The following GRHL3 variants were observed in gnomAD, a reference collection of about 807,000 sequenced individuals.
GRHL3 encodes grainyhead-like protein 3 homolog.
Under a neutral mutation model 70.3 loss-of-function variants are expected in GRHL3, and 20 were observed. That is an observed-to-expected ratio of 0.28 (90% confidence interval 0.20 to 0.41). GRHL3 has a LOEUF of 0.41. Ranked by LOEUF, GRHL3 falls within the 10% of genes least tolerant of loss-of-function variation. The pLI, the probability that GRHL3 is intolerant of heterozygous loss-of-function variation, is 1.00. For synonymous variants in GRHL3, 299 were observed against 299.9 expected (o/e 1.00, Z 0.03); for missense variants, 637 against 762.3 (o/e 0.84, Z 1.94).
At chr1:24,337,264 G>T in intron 5 of GRHL3, 113 bp downstream of exon 5, 1 of 717,738 alleles carries the variant, frequency 1.4e-6, no homozygotes, top group South Asian at 1.8e-5. Context: ...TGAGAAGTGG[G>T]GGATGAAGGC....
intron 5 of GRHL3, 59 bp downstream of exon 5, chr1:24,337,210 G>GTGTGGGGCTCTGTC: frequency 8.0e-7 from 1 of 1,248,318 alleles, no homozygotes; most frequent in Non-Finnish European, 1.2e-6. Flanking sequence ...GCTGCAGACA[G>GTGTGGGGCTCTGTC]AGCCCCACAC....
chr1:24,331,737 G>C (rs572965236), intron 2 of GRHL3, 125 bp downstream of exon 2: 3 of 700,134 alleles, frequency 4.3e-6, no homozygotes, highest in South Asian at 2.7e-5. Context: ...GCACAATGCT[G>C]TTCCCTCTGC....
At chr1:24,323,031 A>G (rs1166087998) in intron 1 of GRHL3, 1 of 1,533,788 alleles carries the variant, frequency 6.5e-7, no homozygotes, top group African/African-American at 1.4e-5. Context: ...GCCTCTGAAA[A>G]GAAGACAGAG....
downstream of GRHL3, among the ~76,000 whole-genome samples, chr1:24,358,873 T>G (rs1450286880): frequency 1.3e-5 from 2 of 152,182 alleles, no homozygotes; most frequent in African/African-American, 4.8e-5. Flanking sequence ...TTTACAAAAC[T>G]ATTTTCTATG....
intron 8 of GRHL3, among the ~76,000 whole-genome samples, chr1:24,340,115 G>T (rs531978609): frequency 6.6e-6 from 1 of 152,334 alleles, no homozygotes; most frequent in South Asian, 2.1e-4. Flanking sequence ...TGGCCCAAAA[G>T]TGGCAACTGT....
At chr1:24,353,181 A>G (rs1015711554) in intron 15 of GRHL3, among the ~76,000 whole-genome samples, 3 of 152,162 alleles carry the variant, frequency 2.0e-5, no homozygotes, top group Admixed American at 2.0e-4. Context: ...TGTTTCTTTG[A>G]ACCTCAGCTT....
At chr1:24,320,508 C>T (rs1639139472) in intron 1 of GRHL3, among the ~76,000 whole-genome samples, 1 of 152,162 alleles carries the variant, frequency 6.6e-6, no homozygotes, top group South Asian at 2.1e-4. Context: ...CAGGAGAAGC[C>T]AGAATCCTTT....
At chr1:24,329,553 C>T (rs1639525241) in intron 1 of GRHL3, among the ~76,000 whole-genome samples, 1 of 152,348 alleles carries the variant, frequency 6.6e-6, no homozygotes, top group East Asian at 1.9e-4. Flanking sequence ...TCTCACGGAC[C>T]AGCTGGATGA....
At chr1:24,350,829 C>T (rs1640476946) in intron 15 of GRHL3, among the ~76,000 whole-genome samples, 1 of 152,238 alleles carries the variant, frequency 6.6e-6, no homozygotes, top group South Asian at 2.1e-4. Context: ...CAGTGCCTGG[C>T]TGCCTACCAT....
At chr1:24,323,161 T>A (rs377274241) in intron 1 of GRHL3, 5 of 1,250,330 alleles carry the variant, frequency 4.0e-6, no homozygotes, top group Non-Finnish European at 4.6e-6. Context: ...TACAAACCTA[T>A]GTTACCTTTG....
intron 1 of GRHL3, among the ~76,000 whole-genome samples, chr1:24,325,652 A>G (rs1639361644): frequency 6.6e-6 from 1 of 152,212 alleles, no homozygotes; most frequent in Non-Finnish European, 1.5e-5. Context: ...GGAGCCATGA[A>G]GGCTGAGGCT....
chr1:24,359,734 C>T (rs1281830824), downstream of GRHL3, among the ~76,000 whole-genome samples: 1 of 152,200 alleles, frequency 6.6e-6, no homozygotes, highest in African/African-American at 2.4e-5. The surrounding 1 kb of genome is among the most constrained non-coding windows in gnomAD (Gnocchi z 5.3). Context: ...TGCCTTCATC[C>T]TCCCATGCCA....
rs2148660029 is a variant in GRHL3, at chr1:24,342,344, CT to C, written c.1206+72del. ...AGGGCCAAACCCTGACCCGTGCGTC[CT>C]CCTAGCTTCTCTGGGTTGTCTGTCT... On this transcript the variant is annotated intron_variant, in intron 9 of 15. Transcript: ENST00000361548. The surrounding 1 kb of genome is among the most constrained non-coding windows in gnomAD (Gnocchi z 4.8). The C allele has an allele frequency of 4.6e-6, 6 of 1,309,904 alleles. No individual in the cohort carries two copies. Among genetic ancestry groups the C allele is most frequent in the Non-Finnish European group, 5.3e-6 (5 of 944,832 alleles). The allele number at this position is 1,309,904 out of a possible 1,614,324, so 81.1% of individuals were successfully genotyped here.
chr1:24,360,652 T>C lies in GRHL3; in HGVS notation c.1695-3533T>C, dbSNP rs144891605. The stretch of plus-strand genomic sequence containing the variant: ...CAGTATGAATCCCTGGCCTGGACCA[T>C]CTCTAAGAGCCCTTTCACCTTAAAA... On this transcript the variant is annotated intron_variant, in intron 15 of 15. Transcript: ENST00000350501. 9.8e-4 allele frequency among the ~76,000 whole-genome samples: 150 copies of C among 152,296 alleles called. No individual in the cohort carries two copies. Among genetic ancestry groups the C allele is most frequent in the African/African-American group, 3.4e-3 (143 of 41,562 alleles).
At chr1:24,320,801 G>C (rs945812301) in intron 1 of GRHL3, among the ~76,000 whole-genome samples, 1 of 152,228 alleles carries the variant, frequency 6.6e-6, no homozygotes, top group Non-Finnish European at 1.5e-5. Context: ...ATGAGAATAA[G>C]AGCAGGAGCA....
At chr1:24,324,612 G>T (rs1639321923) in intron 1 of GRHL3, among the ~76,000 whole-genome samples, 1 of 152,212 alleles carries the variant, frequency 6.6e-6, no homozygotes, top group Non-Finnish European at 1.5e-5. Flanking sequence ...ACTAGAAGTT[G>T]TTAGCCAGCA....
intron 1 of GRHL3, among the ~76,000 whole-genome samples, chr1:24,327,461 C>T (rs1445688264): frequency 6.6e-6 from 1 of 152,174 alleles, no homozygotes; most frequent in African/African-American, 2.4e-5. Context: ...GGGCTAAGTG[C>T]CTTACCCAAG....
intron 1 of GRHL3, among the ~76,000 whole-genome samples, chr1:24,327,794 G>C (rs1639450906): frequency 6.6e-6 from 1 of 152,136 alleles, no homozygotes; most frequent in South Asian, 2.1e-4. Context: ...TCCAGTATCA[G>C]CTCCTGGGAC....
At chr1:24,360,628 A>G (rs939058498) in intron 15 of GRHL3, among the ~76,000 whole-genome samples, 3 of 152,220 alleles carry the variant, frequency 2.0e-5, no homozygotes, top group African/African-American at 7.2e-5. Flanking sequence ...CATGGTCCTC[A>G]GTATGAATCC....
Sources: gnomAD v4.1 joint callset for allele counts (sites outside exome capture counted in the v4.1 genomes callset) on GRCh38, gnomAD v4.1.1 for gene constraint, Gnocchi (gnomAD v3.1) non-coding constraint, MANE v1.5 for transcripts, NCBI Gene and HGNC (gene_info 2026-07-23, HGNC 2026-07-21) for gene names.